Variants in CFAP43 observed in about 807,000 individuals in gnomAD.
The protein encoded by CFAP43 is cilia and flagella associated protein 43.
CFAP43 carries 155 observed loss-of-function variants against 218.9 expected under a neutral mutation model. That is an observed-to-expected ratio of 0.71 (90% CI 0.62 to 0.81). The LOEUF is 0.81. CFAP43 is among the 30% of genes least tolerant of loss of function. The probability of loss-of-function intolerance (pLI) is 0.00; values close to 1 mark genes in which losing one functional copy is unlikely to be tolerated. For synonymous variants in CFAP43, 645 were observed against 681.3 expected, an observed-to-expected ratio of 0.95 and a Z score of 0.83; for missense variants, 1,778 against 1,954.3, an observed-to-expected ratio of 0.91 and a Z score of 1.70.
At chr10:104,184,125 G>A (rs897640334) in intron 16 of CFAP43, among the ~76,000 whole-genome samples, 1 of 152,200 alleles carries the variant, frequency 6.6e-6, no homozygotes, top group African/African-American at 2.4e-5. Flanking sequence ...AGTGAAAGAA[G>A]TCTAGCATGG....
chr10:104,199,398 T>C (rs2134936212), intron 8 of CFAP43, among the ~76,000 whole-genome samples: 1 of 152,350 alleles, frequency 6.6e-6, no homozygotes, highest in East Asian at 1.9e-4. Flanking sequence ...ATTTGGTAGA[T>C]ATTTACTAAT....
intron 28 of CFAP43, among the ~76,000 whole-genome samples, chr10:104,151,318 A>G (rs1377319687): frequency 6.6e-6 from 1 of 152,230 alleles, no homozygotes; most frequent in African/African-American, 2.4e-5. Flanking sequence ...AGGAATTGCC[A>G]TACCGCTTTC....
At chr10:104,207,104 C>T (rs752784566) in intron 6 of CFAP43, among the ~76,000 whole-genome samples, 10 of 151,794 alleles carry the variant, frequency 6.6e-5, no homozygotes, top group South Asian at 4.2e-4. Context: ...ACCCAGGAGG[C>T]GGAGGTTGCA....
rs377514079 is a variant in CFAP43 at position 104,146,293 on chromosome 10, C to T, written c.3825G>A (p.Glu1275=). Residue 1275 remains glutamate, a synonymous_variant, in exon 30 of 38, where the codon GAG becomes GAA. Coordinates refer to ENST00000357060, the MANE Select transcript of CFAP43 (RefSeq NM_025145.7). The stretch of plus-strand genomic sequence containing the variant: ...CTTCTGCCAGTAAGTTGTCATAGTG[C>T]TCCTTGCACACATCCAGGTCTTCTC... The part of the protein sequence containing the change: ...KSREDLDVCK[E]HYDNLLAEDK... The T allele has an allele frequency of 1.2e-6, 2 of 1,613,702 alleles. No homozygotes were observed. Among genetic ancestry groups the T allele is most frequent in the Non-Finnish European group, 1.7e-6 (2 of 1,179,744 alleles).
At chr10:104,169,261 AT>A (rs1181625717) in intron 20 of CFAP43, among the ~76,000 whole-genome samples, 1 of 152,198 alleles carries the variant, frequency 6.6e-6, no homozygotes, top group Non-Finnish European at 1.5e-5. Context: ...GAGGTCTGGA[AT>A]TCATATTTTT....
rs35021397 is a variant in CFAP43, at chr10:104,187,489, G to A, written c.1691C>T (p.Ser564Phe). 4.1e-3 allele frequency: 6,361 copies of A among 1,563,872 alleles called. 19 individuals are homozygous for A. Among genetic ancestry groups the A allele is most frequent in the Non-Finnish European group, 4.9e-3 (5,698 of 1,160,618 alleles). Reference sequence around the variant, plus strand: ...TCCTCTTTCATCAGCAAAGGTTGTGGAAACTATTAGATTTGGAAAAAGAAG... The same window carrying A: ...TCCTCTTTCATCAGCAAAGGTTGTGAAAACTATTAGATTTGGAAAAAGAAG... ...FTLPTLLPQV[S>F]TTFADERGRL... Residue 564 changes from serine to phenylalanine, a missense_variant, in exon 14 of 38, where the codon TCC becomes TTC. By Grantham distance (155) the Ser-to-Phe change is radical (BLOSUM62 -2). Transcript: ENST00000357060.
chr10:104,182,766 C>T (rs565944918), intron 16 of CFAP43, among the ~76,000 whole-genome samples: 7 of 152,096 alleles, frequency 4.6e-5, no homozygotes, highest in African/African-American at 1.7e-4. Context: ...GGCTGGAGTA[C>T]AGTGATGTAA....
intron 5 of CFAP43, among the ~76,000 whole-genome samples, chr10:104,210,568 G>C (rs2090825157): frequency 2.0e-5 from 3 of 151,992 alleles, no homozygotes; most frequent in Admixed American, 2.0e-4. Flanking sequence ...GCAGGTTCAA[G>C]AGGGCCAAAA....
intron 30 of CFAP43, among the ~76,000 whole-genome samples, 169 bp downstream of exon 30, chr10:104,146,094 A>C (rs1043723942): frequency 6.6e-6 from 1 of 152,242 alleles, no homozygotes; most frequent in Non-Finnish European, 1.5e-5. Flanking sequence ...CATTTTACAC[A>C]TGGATTTTCA....
chr10:104,168,671 T>C, intron 21 of CFAP43, 73 bp downstream of exon 21: 1 of 1,339,622 alleles, frequency 7.5e-7, no homozygotes, highest in Non-Finnish European at 1.1e-6. Context: ...TTTCTTAAAT[T>C]TATTTTTAAA....
chr10:104,165,094 C>T (rs1415446564), intron 23 of CFAP43, among the ~76,000 whole-genome samples: 2 of 152,192 alleles, frequency 1.3e-5, no homozygotes, highest in East Asian at 3.8e-4. Flanking sequence ...CCACCACACA[C>T]AATACTCTTC....
At chr10:104,164,730 T>G (rs947364766) in intron 23 of CFAP43, among the ~76,000 whole-genome samples, 2 of 152,200 alleles carry the variant, frequency 1.3e-5, no homozygotes, top group Non-Finnish European at 2.9e-5. Flanking sequence ...GTAAAATGAA[T>G]CTTTCTAGAA....
At chr10:104,179,319 T>C (rs2089742385) in intron 18 of CFAP43, among the ~76,000 whole-genome samples, 1 of 152,186 alleles carries the variant, frequency 6.6e-6, no homozygotes, top group South Asian at 2.1e-4. Context: ...TGATGTCAAT[T>C]ATATGGCCAA....
chr10:104,194,605 C>T (rs1056471962), intron 10 of CFAP43, among the ~76,000 whole-genome samples: 2 of 152,042 alleles, frequency 1.3e-5, no homozygotes, highest in African/African-American at 4.8e-5. Flanking sequence ...AACTGTATCA[C>T]CGGAAGATGT....
chr10:104,162,714 T>A (rs981077449), intron 24 of CFAP43, among the ~76,000 whole-genome samples: 1 of 147,566 alleles, frequency 6.8e-6, no homozygotes, highest in East Asian at 2.0e-4. Context: ...TTCTGAAGGA[T>A]GGGGGTCCTA....
In CFAP43 at chr10:104,165,670, C is replaced by T. The variant is rs561410417; in HGVS notation, c.3039+818G>A. On this transcript the variant is annotated intron_variant, in intron 23 of 37. Transcript: ENST00000357060. ...CAGTCAGGGTTTCTACATGTATAGACGTATTCTAAGACTGTTTGGTGGAAA... is the reference window on the plus strand; with the variant it reads ...CAGTCAGGGTTTCTACATGTATAGATGTATTCTAAGACTGTTTGGTGGAAA... 4.6e-5 allele frequency among the ~76,000 whole-genome samples: 7 copies of T among 151,446 alleles called. No individual in the cohort carries two copies. The East Asian group carries it at 7.7e-4, about 17-fold the overall frequency.
rs2087107579 is a variant in CFAP43, at chr10:104,130,074, A to G, written c.*65T>C. ...TCCCAGTAAGAAAGAAAAGGAAATC[A>G]TTTTACCCAAATGAAATGATTTTTT... On this transcript the variant is annotated 3_prime_UTR_variant, in exon 38 of 38. Coordinates refer to ENST00000357060, the MANE Select transcript of CFAP43 (RefSeq NM_025145.7). 2 of 1,498,340 alleles carry G rather than the reference A, an allele frequency of 1.3e-6. No individual in the cohort carries two copies. The highest frequency in any genetic ancestry group is 4.7e-5 in the East Asian group (2 of 42,530). 92.8% of individuals were successfully genotyped at this position (1,498,340 alleles called of 1,614,324 possible).
rs2091470892 is a variant in CFAP43, at chr10:104,232,239, T to C, written c.8A>G (p.Gln3Arg). The change falls in exon 1 of 38, where the codon CAA (glutamine) becomes CGA (arginine). Residue 3 changes from glutamine to arginine, a missense_variant. Physicochemically the swap from Gln to Arg is conservative, Grantham distance 43 (BLOSUM62 1). Coordinates refer to ENST00000357060, the MANE Select transcript of CFAP43 (RefSeq NM_025145.7). The part of the protein sequence containing the change: MA[Q>R]GRERDEGPHS... ...GGGGCCTTCGTCGCGCTCCCGGCCT[T>C]GCGCCATGGGCAGTGTTTTCCTCAG... 6.2e-7 allele frequency: 1 copy of C among 1,606,150 alleles called. No individual in the cohort carries two copies. Among genetic ancestry groups the C allele is most frequent in the Admixed American group, 1.7e-5 (1 of 59,294 alleles).
At chr10:104,142,250 T>C in intron 33 of CFAP43, 31 bp downstream of exon 33, 1 of 1,583,964 alleles carries the variant, frequency 6.3e-7, no homozygotes, top group Non-Finnish European at 8.6e-7. Flanking sequence ...AGACTTTGAA[T>C]AGGTGAACAT....
Sources: allele counts gnomAD v4.1 joint callset (sites outside exome capture counted in the v4.1 genomes callset), GRCh38; gene constraint gnomAD v4.1.1; transcripts MANE v1.5; gene names NCBI Gene and HGNC (gene_info 2026-07-23, HGNC 2026-07-21).